The following C12orf42 variants were observed in gnomAD, a reference collection of about 807,000 sequenced individuals.
C12orf42 encodes the protein chromosome 12 open reading frame 42.
C12orf42 carries 25 observed loss-of-function variants against 21.6 expected under a neutral mutation model. That is an observed-to-expected ratio of 1.16 (90% CI 0.84 to 1.62). The LOEUF is 1.62. C12orf42 is among the 40% of genes most tolerant of loss of function. The probability of loss-of-function intolerance (pLI) is 0.00; values close to 1 mark genes in which losing one functional copy is unlikely to be tolerated. For missense variants in C12orf42, 483 were observed against 459.3 expected (o/e 1.05, Z -0.47); for synonymous variants, 174 against 175.0 (o/e 0.99, Z 0.05).
At chr12:103,168,292 TCA>T in the C12orf42 span, 1 of 278,776 alleles carries the variant, frequency 3.6e-6, no homozygotes, top group South Asian at 3.3e-5. Context: ...TAAATATGAC[TCA>T]GTTTTTCCCC....
the C12orf42 span, among the ~76,000 whole-genome samples, chr12:103,170,738 CTCAAT>C: frequency 2.0e-5 from 3 of 152,138 alleles, no homozygotes; most frequent in African/African-American, 7.2e-5. Flanking sequence ...ACCCAACGCA[CTCAAT>C]TCAATTCAAT....
intron 4 of C12orf42, among the ~76,000 whole-genome samples, chr12:103,322,014 A>G (rs1479259164): frequency 1.3e-5 from 2 of 152,138 alleles, no homozygotes; most frequent in African/African-American, 4.8e-5. Context: ...TTAAAGTATA[A>G]TAATAAAAGA....
chr12:103,100,956 C>T, the C12orf42 span, among the ~76,000 whole-genome samples: 1 of 152,196 alleles, frequency 6.6e-6, no homozygotes, highest in African/African-American at 2.4e-5. Flanking sequence ...AAAAAGTCTT[C>T]TGGGATGTGG....
At chr12:103,111,383 C>T in the C12orf42 span, among the ~76,000 whole-genome samples, 5 of 152,160 alleles carry the variant, frequency 3.3e-5, no homozygotes, top group Admixed American at 1.3e-4. Flanking sequence ...TTTATTCCAA[C>T]AACAACCTCT....
Position 103,302,216 on chromosome 12 carries a change from CTTGGAGGGGAA to C in C12orf42, c.964_974del (p.Phe322GlufsTer27), listed in dbSNP as rs2037734648. ...CTGAGGAGCAAACCTTTATTAACCT[CTTGGAGGGGAA>C]ATGGGTGGAAGCACCGGCCAGCAGA... is the stretch of plus-strand genomic sequence containing the variant. On this transcript the variant is annotated frameshift_variant, in exon 6 of 6. Transcript: ENST00000548883. LOFTEE classifies it high-confidence loss of function. 1 of 1,612,082 alleles carries C rather than the reference CTTGGAGGGGAA, an allele frequency of 6.2e-7. No individual in the cohort carries two copies. Among genetic ancestry groups the C allele is most frequent in the Non-Finnish European group, 8.5e-7 (1 of 1,179,240 alleles).
At chr12:103,370,743 G>T (rs1249091486) in intron 3 of C12orf42, among the ~76,000 whole-genome samples, 4 of 152,088 alleles carry the variant, frequency 2.6e-5, no homozygotes, top group Admixed American at 1.3e-4. Flanking sequence ...TGGAGTGGAG[G>T]AGGAGGGAAA....
chr12:103,206,114 G>A, the C12orf42 span, among the ~76,000 whole-genome samples: 2 of 152,192 alleles, frequency 1.3e-5, no homozygotes, highest in Non-Finnish European at 2.9e-5. Flanking sequence ...TAGTGACTAG[G>A]GTTTAGTGCC....
At chr12:103,178,762 A>T in the C12orf42 span, 1 of 152,146 alleles carries the variant, frequency 6.6e-6, no homozygotes, top group Non-Finnish European at 1.5e-5. Context: ...CAATGTTTAT[A>T]TTTTCAAGTA....
the C12orf42 span, among the ~76,000 whole-genome samples, chr12:103,540,065 A>T: frequency 6.6e-6 from 1 of 151,080 alleles, no homozygotes; most frequent in Admixed American, 6.6e-5. Flanking sequence ...GCTGCAGTGC[A>T]GTGGAGCAAT....
intron 4 of C12orf42, among the ~76,000 whole-genome samples, chr12:103,293,854 T>C (rs1278326639): frequency 6.6e-6 from 1 of 152,204 alleles, no homozygotes; most frequent in Non-Finnish European, 1.5e-5. Context: ...AATTAACTTT[T>C]AATTTTCAGA....
At chr12:103,220,552 G>A in the C12orf42 span, among the ~76,000 whole-genome samples, 6 of 152,096 alleles carry the variant, frequency 3.9e-5, no homozygotes, top group African/African-American at 7.2e-5. Context: ...CAGTTCAATA[G>A]CGTTCGTGAG....
At chr12:103,061,604 G>A in the C12orf42 span, among the ~76,000 whole-genome samples, 1 of 151,474 alleles carries the variant, frequency 6.6e-6, no homozygotes, top group African/African-American at 2.4e-5. Flanking sequence ...GTGGCAGACT[G>A]GCCCTTTTAT....
At chr12:103,061,125 C>A in the C12orf42 span, among the ~76,000 whole-genome samples, 59 of 152,166 alleles carry the variant, frequency 3.9e-4, no homozygotes, top group South Asian at 0.012. Flanking sequence ...AGTTTGGGTC[C>A]CATTAGGCCT....
At chr12:103,141,075 C>A in the C12orf42 span, among the ~76,000 whole-genome samples, 2 of 152,310 alleles carry the variant, frequency 1.3e-5, no homozygotes, top group South Asian at 4.1e-4. Context: ...CTATACAAAG[C>A]CCAGGCCTTT....
At position 103,302,416 on chromosome 12, in the gene C12orf42, C is replaced by T. The variant is rs374331136; in HGVS notation, c.775G>A (p.Asp259Asn). The T allele has an allele frequency of 8.2e-5, 133 of 1,613,772 alleles. No homozygotes were observed. In the South Asian group the frequency reaches 1.1e-3, roughly 13 times the overall value. Residue 259 changes from aspartate (D) to asparagine (N), a missense_variant, in exon 6 of 6, where the codon GAC becomes AAC. Asp to Asn is a conservative substitution (Grantham distance 23). Coordinates refer to ENST00000548883, the MANE Select transcript of C12orf42 (RefSeq NM_198521.5). ...CCCAGGAGTCTGCTTTGGATGTCGTCGGGGTGTGCCTGAGCGCCTGCTGGG... is the reference window on the plus strand; with the variant it reads ...CCCAGGAGTCTGCTTTGGATGTCGTTGGGGTGTGCCTGAGCGCCTGCTGGG... ...AVPAGAQAHP[D>N]DIQSRLLGAS...
chr12:103,374,089 ATGTG>A (rs1009360878), intron 3 of C12orf42, among the ~76,000 whole-genome samples: 18 of 152,200 alleles, frequency 1.2e-4, no homozygotes, highest in African/African-American at 4.3e-4. Context: ...GAGACAAATG[ATGTG>A]TGTGTAAGCC....
chr12:103,085,980 C>A, the C12orf42 span, among the ~76,000 whole-genome samples: 1 of 152,186 alleles, frequency 6.6e-6, no homozygotes, highest in Non-Finnish European at 1.5e-5. Context: ...TGCTGGATTT[C>A]AATTTAATCT....
At chr12:103,188,384 A>G in the C12orf42 span, among the ~76,000 whole-genome samples, 1 of 152,002 alleles carries the variant, frequency 6.6e-6, no homozygotes, top group Admixed American at 6.6e-5. Context: ...TGGTGCACCT[A>G]TCACCTGAAC....
intron 4 of C12orf42, among the ~76,000 whole-genome samples, chr12:103,366,485 GC>G (rs1310666119): frequency 9.9e-5 from 15 of 152,034 alleles, no homozygotes; most frequent in Admixed American, 9.8e-4. Flanking sequence ...AAACTAAAGA[GC>G]TTTTGCATGG....
Sources: allele counts gnomAD v4.1 joint callset (sites outside exome capture counted in the v4.1 genomes callset), GRCh38; gene constraint gnomAD v4.1.1; transcripts MANE v1.5; gene names NCBI Gene and HGNC (gene_info 2026-07-23, HGNC 2026-07-21).